The following PDP1 variants were observed in gnomAD, a reference collection of about 807,000 sequenced individuals.
The protein encoded by PDP1 is pyruvate dehyrogenase phosphatase catalytic subunit 1.
A neutral mutation model predicts 37.1 loss-of-function variants in PDP1; 14 were observed. That is an observed-to-expected ratio of 0.38 (90% CI 0.25 to 0.59). The LOEUF is 0.59. PDP1 is among the 20% of genes least tolerant of loss of function. The pLI, the probability that PDP1 is intolerant of heterozygous loss-of-function variation, is 0.67. For synonymous variants in PDP1, 251 were observed against 243.3 expected (o/e 1.03, Z -0.29); for missense variants, 544 against 655.3 (o/e 0.83, Z 1.85).
chr8:93,920,061 A>G (rs923210003), intron 1 of PDP1: 2 of 152,172 alleles, frequency 1.3e-5, no homozygotes, highest in African/African-American at 4.8e-5. Flanking sequence ...TTATTTCCAA[A>G]ATTTTAGCCA....
intron 1 of PDP1, chr8:93,917,793 C>A: frequency 3.2e-6 from 5 of 1,579,336 alleles, no homozygotes; most frequent in Non-Finnish European, 4.3e-6. Flanking sequence ...GCTCCCGCCT[C>A]CCCGCCGCCG....
rs1810382167 is a variant in PDP1 at position 93,924,529 on chromosome 8, G to A, written c.*856G>A. On this transcript the variant is annotated 3_prime_UTR_variant, in exon 2 of 2. Transcript: ENST00000297598. ...TATGTAATCCCCAAAGGCTTGGCATGCCGTAAGTGTGTGGTGGGTAGACTG... is the reference window on the plus strand; with the variant it reads ...TATGTAATCCCCAAAGGCTTGGCATACCGTAAGTGTGTGGTGGGTAGACTG... 1 of 167,082 alleles carries A rather than the reference G, an allele frequency of 6.0e-6. No homozygotes were observed. Among genetic ancestry groups the A allele is most frequent in the Admixed American group, 6.5e-5 (1 of 15,276 alleles). The allele number at this position is 167,082 out of a possible 1,614,324, so 10.3% of individuals were successfully genotyped here. A position where few individuals can be genotyped will look rare whatever the true frequency, so the allele number is the denominator to read the frequency against.
rs1810288894 is a variant in PDP1, at chr8:93,922,044, ACTGTTCTCTGAT to A, written c.-15_-4del. ...TCCCAGTCAGAAGTTCCAGCCTGCC[ACTGTTCTCTGAT>A]GCCATGCCAGCACCAACTCAACTGT... On this transcript the variant is annotated 5_prime_UTR_variant, in exon 2 of 2. The change abolishes an upstream ATG in the 5' untranslated region. Transcript: ENST00000297598. This position sits in a 1 kb window ranked among gnomAD's most constrained non-coding sequence, Gnocchi z 4.0. 6.2e-7 allele frequency: 1 copy of A among 1,600,810 alleles called. No individual in the cohort carries two copies. Among genetic ancestry groups the A allele is most frequent in the African/African-American group, 1.3e-5 (1 of 74,742 alleles).
rs1810395300 is a variant in PDP1 at position 93,925,060 on chromosome 8, G to C, written c.*1387G>C. 1 of 167,010 alleles carries C rather than the reference G, an allele frequency of 6.0e-6. No individual in the cohort carries two copies. 10.3% of individuals were successfully genotyped at this position (167,010 alleles called of 1,614,324 possible). ...ATTCTAGCATCACTGTTAAGGCTGT[G>C]ATTATGTTTGATATTCACCTGGATT... On this transcript the variant is annotated 3_prime_UTR_variant, in exon 2 of 2. Coordinates refer to ENST00000297598, the MANE Select transcript of PDP1 (RefSeq NM_018444.4).
chr8:93,916,969 G>C lies in PDP1; in HGVS notation c.-155G>C. Reference sequence around the variant, plus strand: ...AGCAGAGTGGGCAGGCCGGGGGTGAGGGCTCGCGCTCCGGGAGCTGCACGG... The same window carrying C: ...AGCAGAGTGGGCAGGCCGGGGGTGACGGCTCGCGCTCCGGGAGCTGCACGG... On this transcript the variant is annotated 5_prime_UTR_variant, in exon 1 of 2. Coordinates refer to ENST00000297598, the MANE Select transcript of PDP1 (RefSeq NM_018444.4). 1 of 461,396 alleles carries C rather than the reference G, an allele frequency of 2.2e-6. No individual in the cohort carries two copies. The highest frequency in any genetic ancestry group is 4.3e-6 in the Non-Finnish European group (1 of 234,250). 28.6% of individuals were successfully genotyped at this position (461,396 alleles called of 1,614,324 possible). A position where few individuals can be genotyped will look rare whatever the true frequency, so the allele number is the denominator to read the frequency against.
At chr8:93,918,047 G>T (rs1313740773) in intron 1 of PDP1, 1 of 1,311,052 alleles carries the variant, frequency 7.6e-7, no homozygotes, top group Non-Finnish European at 1.1e-6. Context: ...ATTAAGGGAT[G>T]AGATAGATTG....
At chr8:93,921,210 T>C in intron 1 of PDP1, 1 of 971,390 alleles carries the variant, frequency 1.0e-6, no homozygotes, top group South Asian at 4.8e-5. Context: ...ATCTGCTCTG[T>C]TGATGTTCCT....
chr8:93,917,644 T>C, intron 1 of PDP1: 1 of 623,962 alleles, frequency 1.6e-6, no homozygotes, highest in Non-Finnish European at 2.7e-6. Flanking sequence ...TGCCTTGGGC[T>C]GTGGCTTTGC....
chr8:93,922,616 T>A lies in PDP1; in HGVS notation c.557T>A (p.Leu186Gln). 2.5e-6 allele frequency: 4 copies of A among 1,614,192 alleles called. No individual in the cohort carries two copies. The highest frequency in any genetic ancestry group is 3.4e-6 in the Non-Finnish European group (4 of 1,180,026). The change falls in exon 2 of 2, where the codon CTG (leucine) becomes CAG (glutamine). Residue 186 changes from leucine (L) to glutamine (Q), a missense_variant. Around this residue, in one of 5 missense-constraint regions of PDP1, gnomAD observed 342 missense variants for 414.0 expected, o/e 0.83. Transcript: ENST00000297598. This position sits in a 1 kb window ranked among gnomAD's most constrained non-coding sequence, Gnocchi z 4.0. ...AATGCAGTGGAGAGCGGCCGGGCAC[T>A]GCTACCCATTCTCCAGTGGCACAAG... Reference protein sequence around the residue: ...IENAVESGRALLPILQWHKHP... With the variant: ...IENAVESGRAQLPILQWHKHP...
At chr8:93,918,221 G>A (rs1286304330) in intron 1 of PDP1, among the ~76,000 whole-genome samples, 2 of 152,170 alleles carry the variant, frequency 1.3e-5, no homozygotes, top group Admixed American at 1.3e-4. Flanking sequence ...GAAATGGCTA[G>A]GCATTTCCAG....
chr8:93,925,595 A>T lies in PDP1; in HGVS notation c.*1922A>T, dbSNP rs139839619. The stretch of plus-strand genomic sequence containing the variant: ...CTGTGGTCATGATCAAGATAGTAGT[A>T]TTATTACACAAGAAACTTGGTCTGC... On this transcript the variant is annotated 3_prime_UTR_variant, in exon 2 of 2. Transcript: ENST00000297598. 6.0e-6 allele frequency: 1 copy of T among 167,130 alleles called. No individual in the cohort carries two copies. The highest frequency in any genetic ancestry group is 1.9e-4 in the East Asian group (1 of 5,190). 10.4% of individuals were successfully genotyped at this position (167,130 alleles called of 1,614,324 possible).
intron 1 of PDP1, among the ~76,000 whole-genome samples, chr8:93,919,463 C>G (rs1810190553): frequency 6.6e-6 from 1 of 151,534 alleles, no homozygotes; most frequent in Non-Finnish European, 1.5e-5. Flanking sequence ...GCCTGGGCAA[C>G]AAGAGCAAAA....
rs747738989 is a variant in PDP1 at position 93,922,204 on chromosome 8, C to T, written c.145C>T (p.His49Tyr). ...IPQSRLRYTP[H>Y]PAYATFCRPK... ...TCAGAGTCGACTGAGATACACACCT[C>T]ATCCAGCATATGCTACCTTTTGCAG... The change falls in exon 2 of 2, where the codon CAT (histidine) becomes TAT (tyrosine). Residue 49 changes from histidine to tyrosine, a missense_variant. Physicochemically the swap from His to Tyr is moderately conservative, Grantham distance 83. This residue lies in a region of PDP1 where 342 missense variants were observed against 414.0 expected (regional missense o/e 0.83). Coordinates refer to ENST00000297598, the MANE Select transcript of PDP1 (RefSeq NM_018444.4). This position sits in a 1 kb window ranked among gnomAD's most constrained non-coding sequence, Gnocchi z 4.0. 4.3e-6 allele frequency: 7 copies of T among 1,614,188 alleles called. 1 individual carries two copies. In the South Asian group the frequency reaches 7.7e-5, roughly 18 times the overall value.
In PDP1 at chr8:93,923,800, C is replaced by G; in HGVS notation, c.*127C>G. 1 of 832,474 alleles carries G rather than the reference C, an allele frequency of 1.2e-6. No homozygotes were observed. Among genetic ancestry groups the G allele is most frequent in the Non-Finnish European group, 2.0e-6 (1 of 492,350 alleles). The allele number at this position is 832,474 out of a possible 1,614,324, so 51.6% of individuals were successfully genotyped here. On this transcript the variant is annotated 3_prime_UTR_variant, in exon 2 of 2. Coordinates refer to ENST00000297598, the MANE Select transcript of PDP1 (RefSeq NM_018444.4). This position sits in a 1 kb window ranked among gnomAD's most constrained non-coding sequence, Gnocchi z 4.3. ...AGCATTTACCCTTTTGATACTCTAG[C>G]TAGTCAGGTACTCCAAATTGACTTT...
chr8:93,917,696 T>A (rs1810119011), intron 1 of PDP1: 1 of 981,746 alleles, frequency 1.0e-6, no homozygotes, highest in Admixed American at 2.4e-5. Flanking sequence ...TTCCTTGTTC[T>A]CTCCACCCCT....
chr8:93,917,906 G>A (rs751771463), intron 1 of PDP1: 53 of 1,613,896 alleles, frequency 3.3e-5, no homozygotes, highest in Non-Finnish European at 4.4e-5. Context: ...GTGTTGTGAT[G>A]ACAGGAGAAT....
rs138512618 is a variant in PDP1, at chr8:93,922,728, C to T, written c.669C>T (p.Asn223=). Residue 223 remains asparagine, a synonymous_variant, in exon 2 of 2, where the codon AAC becomes AAT. Transcript: ENST00000297598. The surrounding 1 kb of genome is among the most constrained non-coding windows in gnomAD (Gnocchi z 4.0). ...ACTGGCAAGAGCTTATAGACCTCAA[C>T]ACTGGTGAGTCGACTGATATTGATG... ...RTYWQELIDL[N]TGESTDIDVK... is the part of the protein sequence containing the mutation. 2 of 1,614,088 alleles carry T rather than the reference C, an allele frequency of 1.2e-6. No individual in the cohort carries two copies. The highest frequency in any genetic ancestry group is 2.2e-5 in the East Asian group (1 of 44,884).
chr8:93,925,862 A>G lies in PDP1; in HGVS notation c.*2189A>G, dbSNP rs1283450822. On this transcript the variant is annotated 3_prime_UTR_variant, in exon 2 of 2. Coordinates refer to ENST00000297598, the MANE Select transcript of PDP1 (RefSeq NM_018444.4). ...TTAAACTTTCTAACCTATGTATTCA[A>G]CTTCTGTATTTATATTTAATCAGTG... 1 of 166,996 alleles carries G rather than the reference A, an allele frequency of 6.0e-6. No individual in the cohort carries two copies. The highest frequency in any genetic ancestry group is 2.4e-5 in the African/African-American group (1 of 41,462). 10.3% of individuals were successfully genotyped at this position (166,996 alleles called of 1,614,324 possible).
intron 1 of PDP1, chr8:93,919,243 C>A: frequency 2.0e-6 from 1 of 490,806 alleles, no homozygotes; most frequent in Non-Finnish European, 2.6e-6. Flanking sequence ...AGATGTCATA[C>A]CAAGCCGGGT....
Sources: allele counts gnomAD v4.1 joint callset (sites outside exome capture counted in the v4.1 genomes callset), GRCh38; gene constraint gnomAD v4.1.1; regional missense constraint gnomAD v4.1.1; non-coding constraint Gnocchi (gnomAD v3.1); transcripts MANE v1.5; gene names NCBI Gene and HGNC (gene_info 2026-07-23, HGNC 2026-07-21).